The following AMBRA1 variants were observed in gnomAD, a reference collection of about 807,000 sequenced individuals.
The protein encoded by AMBRA1 is autophagy and beclin 1 regulator 1, also known as activating molecule in BECN1-regulated autophagy protein 1.
Under a neutral mutation model 125.4 loss-of-function variants are expected in AMBRA1, and 47 were observed. That is an observed-to-expected ratio of 0.37 (90% CI 0.30 to 0.48). The LOEUF (loss-of-function observed/expected upper bound fraction) is 0.48, where lower values mean the gene tolerates loss of function less well. Among genes scored for constraint, AMBRA1 ranks in the 20% least tolerant of loss-of-function variants. The probability of loss-of-function intolerance (pLI) is 0.99; values close to 1 mark genes in which losing one functional copy is unlikely to be tolerated. For synonymous variants in AMBRA1, 626 were observed against 655.5 expected (o/e 0.95, Z 0.69); for missense variants, 1,331 against 1,693.4 (o/e 0.79, Z 3.76).
intron 9 of AMBRA1, among the ~76,000 whole-genome samples, chr11:46,506,126 G>A (rs1004712001): frequency 2.0e-5 from 3 of 152,180 alleles, no homozygotes; most frequent in African/African-American, 4.8e-5. Context: ...GTAAGTATCT[G>A]CCTGGCTAAG....
intron 16 of AMBRA1, among the ~76,000 whole-genome samples, chr11:46,408,935 A>G (rs149818453): frequency 2.0e-5 from 3 of 152,324 alleles, no homozygotes; most frequent in African/African-American, 7.2e-5. Flanking sequence ...GAAACATCCA[A>G]TCTTGCAACC....
At position 46,396,778 on chromosome 11, in the gene AMBRA1, C is replaced by G. The variant is rs1053244659; in HGVS notation, c.*672G>C. On this transcript the variant is annotated 3_prime_UTR_variant, in exon 18 of 18. Transcript: ENST00000683756. ...CTGGTGGACAAGCCCTGGGGGCTGG[C>G]CAGCCTACACCCCCCACTCCTGAGT... 28 of 152,844 alleles carry G rather than the reference C, an allele frequency of 1.8e-4. No individual in the cohort carries two copies. Among genetic ancestry groups the G allele is most frequent in the African/African-American group, 6.5e-4 (27 of 41,566 alleles). The allele number at this position is 152,844 out of a possible 1,614,324, so 9.5% of individuals were successfully genotyped here. A position where few individuals can be genotyped will look rare whatever the true frequency, so the allele number is the denominator to read the frequency against.
At chr11:46,488,374 T>C (rs538224352) in intron 11 of AMBRA1, among the ~76,000 whole-genome samples, 189 of 151,976 alleles carry the variant, frequency 1.2e-3, no homozygotes, top group Admixed American at 2.3e-3. Context: ...GAGAATCGCT[T>C]GAACCCAAGA....
intron 1 of AMBRA1, among the ~76,000 whole-genome samples, chr11:46,567,463 T>C (rs2043574228): frequency 6.6e-6 from 1 of 151,618 alleles, no homozygotes; most frequent in Non-Finnish European, 1.5e-5. Context: ...ACCACCCGAG[T>C]TCAAGCAGTC....
At chr11:46,481,037 C>T (rs1162018137) in intron 11 of AMBRA1, among the ~76,000 whole-genome samples, 1 of 152,180 alleles carries the variant, frequency 6.6e-6, no homozygotes. Flanking sequence ...ACTTAATGTC[C>T]TCTTGGCTCT....
At chr11:46,466,933 T>C (rs1949355339) in intron 11 of AMBRA1, among the ~76,000 whole-genome samples, 1 of 151,218 alleles carries the variant, frequency 6.6e-6, no homozygotes, top group African/African-American at 2.4e-5. Flanking sequence ...TTTTTTTTTT[T>C]TTTGAGATGG....
chr11:46,544,550 A>G (rs1378684617), intron 5 of AMBRA1, among the ~76,000 whole-genome samples: 1 of 152,210 alleles, frequency 6.6e-6, no homozygotes, highest in African/African-American at 2.4e-5. Context: ...AATACAGACA[A>G]TATGTTTTGA....
At chr11:46,478,302 C>T (rs1285446230) in intron 11 of AMBRA1, among the ~76,000 whole-genome samples, 1 of 152,176 alleles carries the variant, frequency 6.6e-6, no homozygotes, top group Non-Finnish European at 1.5e-5. Flanking sequence ...GTTCAAGGAG[C>T]TCTGGATTAT....
chr11:46,503,578 A>T (rs1950923056), intron 9 of AMBRA1, among the ~76,000 whole-genome samples: 2 of 152,224 alleles, frequency 1.3e-5, no homozygotes, highest in Non-Finnish European at 1.5e-5. Context: ...GTTGCCACAA[A>T]CCTTCAATTT....
intron 9 of AMBRA1, among the ~76,000 whole-genome samples, chr11:46,499,800 C>T (rs367780816): frequency 1.4e-4 from 21 of 152,106 alleles, no homozygotes; most frequent in Admixed American, 5.9e-4. Flanking sequence ...GGTTTACAGG[C>T]GCCCGCCACC....
At chr11:46,561,913 A>T (rs560539550) in intron 1 of AMBRA1, among the ~76,000 whole-genome samples, 2 of 152,326 alleles carry the variant, frequency 1.3e-5, no homozygotes, top group African/African-American at 2.4e-5. Context: ...AAGATGGGGA[A>T]GGATGTAAAA....
chr11:46,525,159 G>C (rs1951914038), intron 7 of AMBRA1, among the ~76,000 whole-genome samples: 1 of 152,014 alleles, frequency 6.6e-6, no homozygotes, highest in African/African-American at 2.4e-5. Context: ...AAATTATCTG[G>C]GCATGGTGGC....
intron 12 of AMBRA1, among the ~76,000 whole-genome samples, chr11:46,439,897 A>G (rs1431734643): frequency 6.6e-6 from 1 of 152,068 alleles, no homozygotes; most frequent in Non-Finnish European, 1.5e-5. Context: ...ATACAAATTT[A>G]AAATGCCCAC....
In AMBRA1 at chr11:46,544,095, G is replaced by A. The variant is rs776576372; in HGVS notation, c.552-54C>T. On this transcript the variant is annotated intron_variant, in intron 5 of 17. Transcript: ENST00000683756. ...CACACATAGAGAGATTATGTTAACT[G>A]AGAAGAGGAAACTTGTGTTTGAATT... The A allele has an allele frequency of 1.7e-5, 24 of 1,418,202 alleles. No homozygotes were observed. The South Asian group carries it at 2.8e-4, about 16-fold the overall frequency. 87.9% of individuals were successfully genotyped at this position (1,418,202 alleles called of 1,614,324 possible).
intron 17 of AMBRA1, among the ~76,000 whole-genome samples, chr11:46,401,214 T>C (rs1176951441): frequency 6.6e-6 from 1 of 151,866 alleles, no homozygotes. Flanking sequence ...GGCATTGGAG[T>C]GCACTGTGCC....
Position 46,434,887 on chromosome 11 carries a change from G to C in AMBRA1, c.2783C>G (p.Pro928Arg). 6.2e-7 allele frequency: 1 copy of C among 1,612,970 alleles called. No homozygotes were observed. ...EGILAVYSLA[P>R]HNLGEMLYTK... Reference sequence around the variant, plus strand: ...GTAGAGCATTTCGCCCAGGTTATGGGGGGCCAGGGAGTACACTGCCAGGAT... The same window carrying C: ...GTAGAGCATTTCGCCCAGGTTATGGCGGGCCAGGGAGTACACTGCCAGGAT... Residue 928 changes from proline (P) to arginine (R), a missense_variant, in exon 13 of 18, where the codon CCC (proline) becomes CGC (arginine). By Grantham distance (103) the Pro-to-Arg change is moderately radical. This residue lies in a region of AMBRA1 where 354 missense variants were observed against 532.7 expected (regional missense o/e 0.66). Coordinates refer to ENST00000683756, the MANE Select transcript of AMBRA1 (RefSeq NM_001387011.1).
intron 9 of AMBRA1, among the ~76,000 whole-genome samples, chr11:46,506,629 T>C (rs1951044065): frequency 6.6e-6 from 1 of 152,108 alleles, no homozygotes; most frequent in African/African-American, 2.4e-5. Flanking sequence ...GGGGAGGAAA[T>C]GACTGACAGG....
chr11:46,434,115 CAAAAAA>C (rs145761376), intron 13 of AMBRA1, among the ~76,000 whole-genome samples: 3 of 53,556 alleles, frequency 5.6e-5, no homozygotes, highest in South Asian at 8.0e-4. Context: ...AACTCCGTCT[CAAAAAA>C]AAAAAAAAAA....
chr11:46,495,818 G>A lies in AMBRA1; in HGVS notation c.2340-1614C>T, dbSNP rs376788694. Among the ~76,000 whole-genome samples the A allele has an allele frequency of 6.6e-5, 10 of 152,296 alleles. No homozygotes were observed. The South Asian group carries it at 2.1e-3, about 32-fold the overall frequency. On this transcript the variant is annotated intron_variant, in intron 9 of 17. Transcript: ENST00000683756. Reference sequence around the variant, plus strand: ...TAAAAGTACAATTGAATTCATGATAGCTTTTCATTATCGTATATTTCACTT... The same window carrying A: ...TAAAAGTACAATTGAATTCATGATAACTTTTCATTATCGTATATTTCACTT...
Sources: allele counts gnomAD v4.1 joint callset (sites outside exome capture counted in the v4.1 genomes callset), GRCh38; gene constraint gnomAD v4.1.1; regional missense constraint gnomAD v4.1.1; transcripts MANE v1.5; gene names NCBI Gene and HGNC (gene_info 2026-07-23, HGNC 2026-07-21).